POLN: variants seen among roughly 807,000 people sequenced by gnomAD.
The protein encoded by POLN is DNA polymerase nu.
In POLN, 108 loss-of-function variants were observed where a neutral mutation model predicts 113.5. The observed-to-expected ratio is 0.95, with a 90% CI of 0.81 to 1.12. The LOEUF is 1.12. Ranked by LOEUF, POLN falls within the 50% of genes most tolerant of loss-of-function variation. POLN has a pLI of 0.00. For missense variants in POLN, 1,097 were observed against 1,077.1 expected (o/e 1.02, Z -0.26); for synonymous variants, 386 against 391.5 (o/e 0.99, Z 0.17).
intron 3 of POLN, among the ~76,000 whole-genome samples, chr4:2,222,427 G>A (rs543925806): frequency 6.6e-6 from 1 of 151,820 alleles, no homozygotes; most frequent in South Asian, 2.1e-4. Context: ...ATGCACACCT[G>A]TAGTCTCAGC....
chr4:2,080,107 T>C, intron 23 of POLN: 2 of 985,294 alleles, frequency 2.0e-6, no homozygotes, highest in Non-Finnish European at 2.4e-6. Context: ...GGACTGACAC[T>C]GTGGGGGGCT....
intron 20 of POLN, among the ~76,000 whole-genome samples, chr4:2,094,732 G>A (rs955265996): frequency 6.6e-6 from 1 of 152,132 alleles, no homozygotes; most frequent in Non-Finnish European, 1.5e-5. Context: ...GATTGGCTGT[G>A]GTTCTAGACA....
chr4:2,221,457 A>G (rs1313593115), intron 3 of POLN, among the ~76,000 whole-genome samples: 1 of 152,198 alleles, frequency 6.6e-6, no homozygotes, highest in Non-Finnish European at 1.5e-5. Flanking sequence ...ACCTGAGACA[A>G]ATGGGGATCT....
intron 19 of POLN, among the ~76,000 whole-genome samples, chr4:2,099,873 G>A (rs1484466651): frequency 6.6e-6 from 1 of 152,004 alleles, no homozygotes; most frequent in Non-Finnish European, 1.5e-5. Context: ...TTCAAGACCA[G>A]CCTGGGCAAC....
intron 6 of POLN, among the ~76,000 whole-genome samples, chr4:2,194,057 G>T (rs1221504172): frequency 1.3e-5 from 2 of 152,220 alleles, no homozygotes; most frequent in African/African-American, 4.8e-5. Flanking sequence ...TCGCAGCATT[G>T]TGTGTGAAGT....
rs143248831 is a variant in POLN at position 2,199,552 on chromosome 4, A to G, written c.715-835T>C. Among the ~76,000 whole-genome samples, 267 of 152,158 alleles carry G rather than the reference A, an allele frequency of 1.8e-3. 3 individuals are homozygous for G. Among genetic ancestry groups the G allele is most frequent in the African/African-American group, 6.3e-3 (261 of 41,528 alleles). ...AGATTTCTTTGTGGGAAATAAAGCA[A>G]CTCAGAAGATGGTATATATATACTT... On this transcript the variant is annotated intron_variant, in intron 5 of 25. Transcript: ENST00000511885.
chr4:2,084,812 A>AGTGCTGT (rs1472940498), intron 21 of POLN, among the ~76,000 whole-genome samples: 26 of 152,196 alleles, frequency 1.7e-4, no homozygotes, highest in Admixed American at 5.2e-4. Flanking sequence ...GTGAGTGCTG[A>AGTGCTGT]GTGCTGTGAG....
chr4:2,162,922 T>C (rs1012765539), intron 13 of POLN, among the ~76,000 whole-genome samples: 2 of 150,248 alleles, frequency 1.3e-5, no homozygotes, highest in African/African-American at 4.9e-5. Flanking sequence ...TGATATTCAA[T>C]AGACTATGTC....
chr4:2,181,213 C>T (rs7671277), intron 7 of POLN, among the ~76,000 whole-genome samples: 2,671 of 152,200 alleles, frequency 0.018, 82 homozygotes, highest in African/African-American at 0.061. Context: ...GGCATGATCT[C>T]GGCTCACTGC....
chr4:2,096,855 C>A (rs758985351), intron 19 of POLN, among the ~76,000 whole-genome samples: 2 of 152,178 alleles, frequency 1.3e-5, no homozygotes, highest in African/African-American at 4.8e-5. Context: ...GCCTTCACTT[C>A]CTACTTGCAC....
chr4:2,174,247 G>A (rs1305629633), intron 10 of POLN, among the ~76,000 whole-genome samples: 5 of 152,216 alleles, frequency 3.3e-5, no homozygotes, highest in Admixed American at 2.0e-4. Context: ...CGAGGGGACC[G>A]CACTGGCCAG....
intron 19 of POLN, among the ~76,000 whole-genome samples, chr4:2,120,178 G>T (rs1731406558): frequency 6.6e-6 from 1 of 152,096 alleles, no homozygotes; most frequent in African/African-American, 2.4e-5. Flanking sequence ...TTTAATATCA[G>T]GTGGGGTGAT....
intron 16 of POLN, among the ~76,000 whole-genome samples, chr4:2,136,937 T>C (rs2108728898): frequency 6.6e-6 from 1 of 152,348 alleles, no homozygotes; most frequent in Non-Finnish European, 1.5e-5. Flanking sequence ...TGGCTCTCCT[T>C]GTCTTGAGAA....
chr4:2,221,300 A>C (rs989147495), intron 3 of POLN, among the ~76,000 whole-genome samples: 4 of 152,064 alleles, frequency 2.6e-5, no homozygotes, highest in Non-Finnish European at 5.9e-5. Context: ...ATGCCCCACT[A>C]ATTTTTTGCA....
At chr4:2,164,265 G>C (rs1374746558) in intron 13 of POLN, among the ~76,000 whole-genome samples, 1 of 152,110 alleles carries the variant, frequency 6.6e-6, no homozygotes, top group Non-Finnish European at 1.5e-5. Flanking sequence ...ACTTTGGGAG[G>C]CAGAGGTGGG....
At chr4:2,167,546 GGTGA>G (rs1304738627) in intron 13 of POLN, among the ~76,000 whole-genome samples, 1 of 152,158 alleles carries the variant, frequency 6.6e-6, no homozygotes. Context: ...AGAACCCTGA[GGTGA>G]GTGTCAAAGA....
At chr4:2,111,357 C>G (rs1307339214) in intron 19 of POLN, among the ~76,000 whole-genome samples, 1 of 151,696 alleles carries the variant, frequency 6.6e-6, no homozygotes, top group Non-Finnish European at 1.5e-5. Flanking sequence ...TCTCACCACT[C>G]CTATTCAACA....
intron 16 of POLN, among the ~76,000 whole-genome samples, chr4:2,151,085 A>G (rs1332689294): frequency 2.6e-5 from 4 of 152,232 alleles, no homozygotes; most frequent in Non-Finnish European, 5.9e-5. Context: ...AAGGACTTGT[A>G]TCTAGAATAT....
intron 2 of POLN, chr4:2,239,955 C>A: frequency 1.9e-6 from 2 of 1,053,980 alleles, no homozygotes; most frequent in East Asian, 2.4e-5. Flanking sequence ...ATGCACCATT[C>A]TAAAGTACTT....
Sources: allele counts gnomAD v4.1 joint callset (sites outside exome capture counted in the v4.1 genomes callset), GRCh38; gene constraint gnomAD v4.1.1; transcripts MANE v1.5; gene names NCBI Gene and HGNC (gene_info 2026-07-23, HGNC 2026-07-21).